AOX1: variants seen among roughly 807,000 people sequenced by gnomAD.
The protein encoded by AOX1 is aldehyde oxidase.
A neutral mutation model predicts 169.5 loss-of-function variants in AOX1; 153 were observed. The ratio of observed to expected loss-of-function variants is 0.90; its 90% CI spans 0.79 to 1.03. The LOEUF is 1.03. Among genes scored for constraint, AOX1 ranks in the 50% least tolerant of loss-of-function variants. The pLI is 0.00. For missense variants in AOX1, 1,656 were observed against 1,663.9 expected (o/e 1.00, Z 0.08); for synonymous variants, 562 against 581.9 (o/e 0.97, Z 0.49).
intron 33 of AOX1, 45 bp downstream of exon 33, chr2:200,668,848 TGTTGG>T (rs753243414): frequency 6.5e-7 from 1 of 1,542,940 alleles, no homozygotes; most frequent in Non-Finnish European, 8.9e-7. Flanking sequence ...ATATGATACC[TGTTGG>T]GTGACAGGAA....
chr2:200,653,722 G>A (rs2035624843), intron 26 of AOX1, among the ~76,000 whole-genome samples: 1 of 152,188 alleles, frequency 6.6e-6, no homozygotes, highest in Non-Finnish European at 1.5e-5. Context: ...CTTCCTAGAT[G>A]CTGCATTTTT....
chr2:200,659,316 C>A, intron 28 of AOX1, 23 bp downstream of exon 28: 1 of 1,604,626 alleles, frequency 6.2e-7, no homozygotes, highest in South Asian at 1.1e-5. Flanking sequence ...GCAGTGGCGT[C>A]CAAATCATTA....
intron 22 of AOX1, among the ~76,000 whole-genome samples, chr2:200,637,544 TAC>T (rs1294491216): frequency 1.3e-5 from 2 of 152,146 alleles, no homozygotes; most frequent in Non-Finnish European, 2.9e-5. Context: ...GGGTCCCATA[TAC>T]ACACATACAT....
At chr2:200,634,968 A>C in intron 21 of AOX1, 53 bp downstream of exon 21, 1 of 1,597,488 alleles carries the variant, frequency 6.3e-7, no homozygotes, top group Non-Finnish European at 8.5e-7. Flanking sequence ...CTGGCCAGTG[A>C]AATATATCAA....
chr2:200,600,248 A>G (rs111341918), intron 5 of AOX1, among the ~76,000 whole-genome samples: 6 of 152,272 alleles, frequency 3.9e-5, no homozygotes, highest in African/African-American at 9.6e-5. Context: ...CCAGTTATTC[A>G]TCAGCCCTTG....
At chr2:200,593,274 A>G (rs1468682532) in intron 2 of AOX1, 71 bp downstream of exon 2, 2 of 1,196,344 alleles carry the variant, frequency 1.7e-6, no homozygotes, top group Admixed American at 3.4e-5. Context: ...TCATTAAATG[A>G]TATTTCAAAT....
intron 3 of AOX1, among the ~76,000 whole-genome samples, chr2:200,596,363 A>T (rs535556989): frequency 6.6e-6 from 1 of 152,206 alleles, no homozygotes; most frequent in East Asian, 1.9e-4. Flanking sequence ...GCCTCTAGGG[A>T]GTGGCGACTA....
At chr2:200,645,121 C>G (rs139285351) in intron 25 of AOX1, among the ~76,000 whole-genome samples, 188 of 152,180 alleles carry the variant, frequency 1.2e-3, no homozygotes, top group Middle Eastern at 6.8e-3. Context: ...TTGTCTTGTT[C>G]CCGTTGAATG....
intron 2 of AOX1, among the ~76,000 whole-genome samples, chr2:200,593,767 G>A (rs2034223233): frequency 6.6e-6 from 1 of 152,074 alleles, no homozygotes; most frequent in Middle Eastern, 3.2e-3. Context: ...CCTGGAGAGA[G>A]TAAAATTACC....
Position 200,621,113 on chromosome 2 carries a change from C to G in AOX1, c.1875-7C>G. On this transcript the variant is annotated splice_polypyrimidine_tract_variant and splice_region_variant and intron_variant, in intron 17 of 34. Coordinates refer to ENST00000374700, the MANE Select transcript of AOX1 (RefSeq NM_001159.4). ...CTCTAAGGAGCTCTGCTGTGTATAT[C>G]ATCTAGGTCTATTGATCTGTCAGAA... The G allele has an allele frequency of 6.2e-7, 1 of 1,611,334 alleles. No individual in the cohort carries two copies. The highest frequency in any genetic ancestry group is 1.1e-5 in the South Asian group (1 of 90,240).
At chr2:200,597,874 C>A (rs1197453789) in intron 4 of AOX1, among the ~76,000 whole-genome samples, 1 of 152,152 alleles carries the variant, frequency 6.6e-6, no homozygotes, top group East Asian at 1.9e-4. Context: ...TTTGGGAGGC[C>A]AAGGCAGGTG....
At chr2:200,614,727 A>G (rs1393029455) in intron 15 of AOX1, among the ~76,000 whole-genome samples, 1 of 152,188 alleles carries the variant, frequency 6.6e-6, no homozygotes, top group Non-Finnish European at 1.5e-5. Context: ...TGGTCACTTT[A>G]AATAGCAGAC....
At position 200,670,610 on chromosome 2, in the gene AOX1, A is replaced by T. The variant is rs749574151; in HGVS notation, c.3967-19A>T. On this transcript the variant is annotated intron_variant, in intron 34 of 34. Coordinates refer to ENST00000374700, the MANE Select transcript of AOX1 (RefSeq NM_001159.4). ...AAACATTTCCCAGGTTTGAACATCC[A>T]GATTTGTTTTTATTTTAGATTCCGA... 6.2e-7 allele frequency: 1 copy of T among 1,607,402 alleles called. No homozygotes were observed. The highest frequency in any genetic ancestry group is 1.1e-5 in the South Asian group (1 of 90,866).
chr2:200,666,287 C>G (rs758319843), intron 31 of AOX1, among the ~76,000 whole-genome samples: 3 of 152,140 alleles, frequency 2.0e-5, no homozygotes, highest in Non-Finnish European at 4.4e-5. Flanking sequence ...CCAGTTGTAC[C>G]TGGATGTTTG....
At chr2:200,661,913 G>A (rs1252223696) in intron 30 of AOX1, among the ~76,000 whole-genome samples, 1 of 152,166 alleles carries the variant, frequency 6.6e-6, no homozygotes, top group Non-Finnish European at 1.5e-5. Flanking sequence ...TCTGTGGTTA[G>A]TACTTGGAAT....
At chr2:200,677,293 T>C (rs983397203), downstream of AOX1, among the ~76,000 whole-genome samples, 5 of 152,114 alleles carry the variant, frequency 3.3e-5, no homozygotes, top group Admixed American at 1.3e-4. Flanking sequence ...GTAATGCATG[T>C]AAAGGTGTCA....
intron 15 of AOX1, among the ~76,000 whole-genome samples, chr2:200,615,531 A>G (rs1460208528): frequency 6.6e-6 from 1 of 152,188 alleles, no homozygotes; most frequent in Non-Finnish European, 1.5e-5. Flanking sequence ...CTTTCTACAC[A>G]GCTGGCAGGC....
intron 25 of AOX1, among the ~76,000 whole-genome samples, chr2:200,648,567 C>T (rs1456032596): frequency 6.6e-6 from 1 of 152,158 alleles, no homozygotes. Context: ...TGGTTGGCCT[C>T]CTACCAGGAG....
At chr2:200,621,789 GT>G (rs1411845032) in intron 18 of AOX1, among the ~76,000 whole-genome samples, 1 of 150,884 alleles carries the variant, frequency 6.6e-6, no homozygotes, top group Non-Finnish European at 1.5e-5. Context: ...GTTTCTGTTT[GT>G]CACCCAGGCT....
Sources: allele counts gnomAD v4.1 joint callset (sites outside exome capture counted in the v4.1 genomes callset), GRCh38; gene constraint gnomAD v4.1.1; transcripts MANE v1.5; gene names NCBI Gene and HGNC (gene_info 2026-07-23, HGNC 2026-07-21).